Variants in GALNT13 observed in about 807,000 individuals in gnomAD.
GALNT13 encodes the protein polypeptide N-acetylgalactosaminyltransferase 13.
In GALNT13, 28 loss-of-function variants were observed where a neutral mutation model predicts 64.2. That is an observed-to-expected ratio of 0.44 (90% CI 0.32 to 0.60). The LOEUF is 0.60. Among genes scored for constraint, GALNT13 ranks in the 20% least tolerant of loss-of-function variants. The pLI, the probability that GALNT13 is intolerant of heterozygous loss-of-function variation, is 0.05. For missense variants in GALNT13, 577 were observed against 669.8 expected (o/e 0.86, Z 1.53); for synonymous variants, 214 against 224.6 (o/e 0.95, Z 0.42).
the GALNT13 span, among the ~76,000 whole-genome samples, chr2:153,386,556 G>C: frequency 2.0e-5 from 3 of 152,098 alleles, no homozygotes; most frequent in South Asian, 6.2e-4. Flanking sequence ...GATCTGAGTT[G>C]GGCCAGAGAG....
chr2:153,762,177 C>T, the GALNT13 span: 1 of 151,458 alleles, frequency 6.6e-6, no homozygotes, highest in Non-Finnish European at 1.5e-5. Flanking sequence ...ATTTACAGTC[C>T]AGTAACTTGG....
chr2:154,408,886 ATTCAG>A lies in GALNT13; in HGVS notation c.1297-95_1297-91del, dbSNP rs376656217. 2.4e-3 allele frequency: 1,741 copies of A among 739,400 alleles called. 45 individuals are homozygous for A. The South Asian group carries it at 0.026, about 11-fold the overall frequency. The allele number at this position is 739,400 out of a possible 1,614,324, so 45.8% of individuals were successfully genotyped here. A position where few individuals can be genotyped will look rare whatever the true frequency, so the allele number is the denominator to read the frequency against. On this transcript the variant is annotated intron_variant, in intron 10 of 12. Transcript: ENST00000392825. Reference sequence around the variant, plus strand: ...AGAAATTTTCTTATGAAGTTGTATTATTCAGTTAACAATAGATAGTAACATGAGAA... The same window carrying A: ...AGAAATTTTCTTATGAAGTTGTATTATTAACAATAGATAGTAACATGAGAA...
At chr2:154,148,817 G>A (rs202041490) in intron 4 of GALNT13, among the ~76,000 whole-genome samples, 1 of 151,996 alleles carries the variant, frequency 6.6e-6, no homozygotes, top group Non-Finnish European at 1.5e-5. Flanking sequence ...ATTGTAGATT[G>A]TGGATATTAG....
chr2:153,202,425 G>A, the GALNT13 span, among the ~76,000 whole-genome samples: 6 of 152,322 alleles, frequency 3.9e-5, no homozygotes, highest in South Asian at 1.0e-3. Context: ...CTTGGAAGCA[G>A]TAGAGAAGAG....
intron 4 of GALNT13, among the ~76,000 whole-genome samples, chr2:154,202,113 C>T (rs1687202607): frequency 6.6e-6 from 1 of 151,978 alleles, no homozygotes; most frequent in Admixed American, 6.6e-5. Context: ...CAAGGTTGCT[C>T]TCTGTCTAGC....
At chr2:154,036,031 T>A (rs1345914760) in intron 3 of GALNT13, among the ~76,000 whole-genome samples, 19 of 152,192 alleles carry the variant, frequency 1.2e-4, no homozygotes, top group Middle Eastern at 6.8e-3. Flanking sequence ...TTAACTTGTT[T>A]CTAATAAGAG....
chr2:153,292,591 G>T, the GALNT13 span, among the ~76,000 whole-genome samples: 2 of 152,076 alleles, frequency 1.3e-5, no homozygotes, highest in African/African-American at 4.8e-5. Context: ...AGCAGTTGGG[G>T]GTACAGTGGC....
chr2:153,106,441 T>A, the GALNT13 span, among the ~76,000 whole-genome samples: 1 of 152,084 alleles, frequency 6.6e-6, no homozygotes, highest in African/African-American at 2.4e-5. Flanking sequence ...ATGCTTTCCA[T>A]CATGACTCTA....
At chr2:153,352,821 C>T in the GALNT13 span, among the ~76,000 whole-genome samples, 1 of 152,076 alleles carries the variant, frequency 6.6e-6, no homozygotes, top group Non-Finnish European at 1.5e-5. Flanking sequence ...TTTGTCGGCT[C>T]TTTCATCAGT....
the GALNT13 span, among the ~76,000 whole-genome samples, chr2:153,553,745 G>A: frequency 6.6e-6 from 1 of 152,164 alleles, no homozygotes; most frequent in Admixed American, 6.5e-5. Context: ...GAGGGAACCA[G>A]GGCTGTGAGG....
the GALNT13 span, among the ~76,000 whole-genome samples, chr2:153,844,476 T>C: frequency 0.71 from 108,091 of 151,954 alleles, 40,211 homozygotes; most frequent in Non-Finnish European, 0.81. Flanking sequence ...CATTCTTCCC[T>C]ACCTAGGCCT....
rs978694444 is a variant in GALNT13 at position 154,007,667 on chromosome 2, G to A, written c.142+63028G>A. Among the ~76,000 whole-genome samples, 5 of 152,028 alleles carry A rather than the reference G, an allele frequency of 3.3e-5. No individual in the cohort carries two copies. The South Asian group carries it at 8.3e-4, about 25-fold the overall frequency. On this transcript the variant is annotated intron_variant, in intron 3 of 12. Coordinates refer to ENST00000392825, the MANE Select transcript of GALNT13 (RefSeq NM_052917.4). ...AGTTACATTACATACCTATGTTAGA[G>A]TATAGGATAAAGAGGCGATGGTTGG...
the GALNT13 span, among the ~76,000 whole-genome samples, chr2:153,463,855 A>G: frequency 6.6e-6 from 1 of 152,034 alleles, no homozygotes; most frequent in Non-Finnish European, 1.5e-5. Context: ...GTATTTTATG[A>G]GGGGAGGTGA....
intron 3 of GALNT13, among the ~76,000 whole-genome samples, chr2:153,981,437 A>G (rs181366905): frequency 5.7e-4 from 86 of 152,034 alleles, no homozygotes; most frequent in South Asian, 1.2e-3. Context: ...TCATTGTTCA[A>G]TTCCCACCTA....
chr2:153,077,864 G>C, the GALNT13 span, among the ~76,000 whole-genome samples: 2 of 152,150 alleles, frequency 1.3e-5, no homozygotes, highest in African/African-American at 4.8e-5. Context: ...GAATTTATCA[G>C]GTTTGGTTTA....
At chr2:153,438,387 G>T in the GALNT13 span, among the ~76,000 whole-genome samples, 2 of 152,216 alleles carry the variant, frequency 1.3e-5, no homozygotes, top group Non-Finnish European at 1.5e-5. Flanking sequence ...TGCTCGATTG[G>T]GGAAGTGCTC....
intron 3 of GALNT13, among the ~76,000 whole-genome samples, chr2:154,070,210 A>T (rs1238917525): frequency 6.6e-6 from 1 of 152,102 alleles, no homozygotes; most frequent in African/African-American, 2.4e-5. Context: ...AGAGTTCTTT[A>T]TTTGGTGTTG....
At chr2:153,394,372 T>C in the GALNT13 span, among the ~76,000 whole-genome samples, 2 of 152,144 alleles carry the variant, frequency 1.3e-5, no homozygotes, top group Non-Finnish European at 1.5e-5. Flanking sequence ...CTTAATACCA[T>C]TTTAAACCTT....
At chr2:153,871,140 A>G (rs1685899561), upstream of GALNT13, among the ~76,000 whole-genome samples, 1 of 152,194 alleles carries the variant, frequency 6.6e-6, no homozygotes, top group Admixed American at 6.5e-5. Context: ...TATTGGTACA[A>G]CACATTAACT....
Sources: allele counts gnomAD v4.1 joint callset (sites outside exome capture counted in the v4.1 genomes callset), GRCh38; gene constraint gnomAD v4.1.1; transcripts MANE v1.5; gene names NCBI Gene and HGNC (gene_info 2026-07-23, HGNC 2026-07-21).